The following KMT2A variants were observed in gnomAD, a reference collection of about 807,000 sequenced individuals.
KMT2A encodes histone-lysine N-methyltransferase 2A.
In KMT2A, 16 loss-of-function variants were observed where a neutral mutation model predicts 345.3. The observed-to-expected ratio is 0.05, with a 90% CI of 0.03 to 0.07. The LOEUF (loss-of-function observed/expected upper bound fraction) is 0.07. Among genes scored for constraint, KMT2A ranks in the 10% least tolerant of loss-of-function variants. The probability of loss-of-function intolerance (pLI) is 1.00; values close to 1 mark genes in which losing one functional copy is unlikely to be tolerated. For missense variants in KMT2A, 3,272 were observed against 4,841.6 expected, an observed-to-expected ratio of 0.68 and a Z score of 9.62; for synonymous variants, 1,599 against 1,778.6, an observed-to-expected ratio of 0.90 and a Z score of 2.54.
In KMT2A at chr11:118,484,479, T is replaced by C. The variant is rs556857791; in HGVS notation, c.4218+165T>C. ...AGCGCTGGGAGAGCTTTGGTCAGTG[T>C]TGTTAGGTCACTGTTTGTGAACTGA... On this transcript the variant is annotated intron_variant, in intron 9 of 35. Coordinates refer to ENST00000534358, the MANE Select transcript of KMT2A (RefSeq NM_001197104.2). This position sits in a 1 kb window ranked among gnomAD's most constrained non-coding sequence, Gnocchi z 4.1. The C allele has an allele frequency of 5.9e-6, 4 of 674,584 alleles. No homozygotes were observed. In the African/African-American group the frequency reaches 7.2e-5, roughly 12 times the overall value. 41.8% of individuals were successfully genotyped at this position (674,584 alleles called of 1,614,324 possible).
chr11:118,524,710 G>T lies in KMT2A; in HGVS notation c.*2538G>T. On this transcript the variant is annotated 3_prime_UTR_variant, in exon 36 of 36. Coordinates refer to ENST00000534358, the MANE Select transcript of KMT2A (RefSeq NM_001197104.2). ...TCCTTGTATTCCTATTTTTTTTAAA[G>T]AAAAAAAAAAAACCTTAAGCTGCAT... is the stretch of plus-strand genomic sequence containing the variant. 1.9e-5 allele frequency: 3 copies of T among 154,694 alleles called. No homozygotes were observed. The highest frequency in any genetic ancestry group is 2.7e-5 in the Non-Finnish European group (2 of 72,966). 9.6% of individuals were successfully genotyped at this position (154,694 alleles called of 1,614,324 possible). A position where few individuals can be genotyped will look rare whatever the true frequency, so the allele number is the denominator to read the frequency against.
At chr11:118,483,258 C>T (rs1950170846) in intron 8 of KMT2A, among the ~76,000 whole-genome samples, 1 of 148,902 alleles carries the variant, frequency 6.7e-6, no homozygotes, top group South Asian at 2.1e-4. Flanking sequence ...AGTAGCCGGG[C>T]ACGGTGGCTC....
chr11:118,454,114 G>T (rs1949594978), intron 1 of KMT2A, among the ~76,000 whole-genome samples: 1 of 152,130 alleles, frequency 6.6e-6, no homozygotes, highest in South Asian at 2.1e-4. Flanking sequence ...TAGTCTCTTG[G>T]TTGGAGTTGC....
intron 1 of KMT2A, among the ~76,000 whole-genome samples, chr11:118,468,469 TTTAA>T (rs1330274787): frequency 6.6e-6 from 1 of 152,226 alleles, no homozygotes; most frequent in Non-Finnish European, 1.5e-5. Flanking sequence ...AAAGTTGTCC[TTTAA>T]TTGTTTTGGG....
intron 1 of KMT2A, among the ~76,000 whole-genome samples, chr11:118,451,163 A>G (rs1555028735): frequency 6.6e-6 from 1 of 151,402 alleles, no homozygotes; most frequent in Non-Finnish European, 1.5e-5. Flanking sequence ...CTGGGGCTCT[A>G]CCATTGGAGA....
chr11:118,521,869 GTTC>G lies in KMT2A; in HGVS notation c.11644-23_11644-21del. ...AAGCTGAGTTTATAAGAAATGACAA[GTTC>G]TTCTCCCTTCTTCTGCATGTGCAGG... On this transcript the variant is annotated intron_variant, in intron 35 of 35. Coordinates refer to ENST00000534358, the MANE Select transcript of KMT2A (RefSeq NM_001197104.2). This position sits in a 1 kb window ranked among gnomAD's most constrained non-coding sequence, Gnocchi z 5.3. 6.2e-7 allele frequency: 1 copy of G among 1,602,384 alleles called. No individual in the cohort carries two copies. The highest frequency in any genetic ancestry group is 8.5e-7 in the Non-Finnish European group (1 of 1,170,408).
At position 118,436,678 on chromosome 11, in the gene KMT2A, T is replaced by G. The variant is rs1192129413; in HGVS notation, c.166T>G (p.Ser56Ala). 1.7e-6 allele frequency: 2 copies of G among 1,207,576 alleles called. No individual in the cohort carries two copies. Among genetic ancestry groups the G allele is most frequent in the Non-Finnish European group, 2.1e-6 (2 of 969,740 alleles). 74.8% of individuals were successfully genotyped at this position (1,207,576 alleles called of 1,614,324 possible). A position where few individuals can be genotyped will look rare whatever the true frequency, so the allele number is the denominator to read the frequency against. ...CGGTGGCGGCCCCGGGGCGCCCCCC[T>G]CCCCCCCGGCTGTGGCGGCCGCGGC... ...VGGGGPGAPPSPPAVAAAAAA... is the reference protein window; with the variant it reads ...VGGGGPGAPPAPPAVAAAAAA... Residue 56 changes from serine (S) to alanine (A), a missense_variant, in exon 1 of 36, where the codon TCC (serine) becomes GCC (alanine). By Grantham distance (99) the Ser-to-Ala change is moderately conservative. This residue lies in a region of KMT2A where 412 missense variants were observed against 511.0 expected (regional missense o/e 0.81). Transcript: ENST00000534358. This position sits in a 1 kb window ranked among gnomAD's most constrained non-coding sequence, Gnocchi z 6.9.
chr11:118,492,361 A>G (rs1201196685), intron 15 of KMT2A, among the ~76,000 whole-genome samples: 1 of 152,238 alleles, frequency 6.6e-6, no homozygotes, highest in Non-Finnish European at 1.5e-5. Flanking sequence ...TGTGAACTTT[A>G]CACATTTATA....
In KMT2A at chr11:118,497,166, G is replaced by A. The variant is rs953580453; in HGVS notation, c.5665-770G>A. ...ATTACAGGCATGTGCCACCATGCCC[G>A]GCTAATTTTGTATTTTTAGTAGAGA... On this transcript the variant is annotated intron_variant, in intron 20 of 35. Transcript: ENST00000534358. The surrounding 1 kb of genome is among the most constrained non-coding windows in gnomAD (Gnocchi z 4.8). Among the ~76,000 whole-genome samples the A allele has an allele frequency of 2.6e-5, 4 of 151,844 alleles. No individual in the cohort carries two copies. The highest frequency in any genetic ancestry group is 6.6e-5 in the Admixed American group (1 of 15,238).
In KMT2A at chr11:118,473,373, A is replaced by C. The variant is rs1949977069; in HGVS notation, c.2214A>C (p.Arg738Ser). The change falls in exon 3 of 36, where the codon AGA (arginine) becomes AGC (serine). Residue 738 changes from arginine to serine, a missense_variant. Coordinates refer to ENST00000534358, the MANE Select transcript of KMT2A (RefSeq NM_001197104.2). The surrounding 1 kb of genome is among the most constrained non-coding windows in gnomAD (Gnocchi z 5.2). ...SSGVSNRKRK[R>S]KVFSPIRSEP... is the part of the protein sequence containing the mutation. ...GAGTATCCAATAGAAAAAGGAAAAG[A>C]AAAGTGTTTAGTCCTATTCGATCTG... 1.2e-6 allele frequency: 2 copies of C among 1,614,084 alleles called. No homozygotes were observed. The highest frequency in any genetic ancestry group is 1.7e-6 in the Non-Finnish European group (2 of 1,180,000).
intron 10 of KMT2A, among the ~76,000 whole-genome samples, chr11:118,487,988 C>G (rs375252630): frequency 6.6e-6 from 1 of 152,114 alleles, no homozygotes; most frequent in South Asian, 2.1e-4. Context: ...AGACCATCCT[C>G]GCTAACACAG....
intron 29 of KMT2A, 144 bp downstream of exon 29, chr11:118,509,344 A>C (rs1950643426): frequency 1.5e-6 from 1 of 652,956 alleles, no homozygotes; most frequent in Non-Finnish European, 2.6e-6. Flanking sequence ...CCCACATTGG[A>C]CTGAAACTTG....
Position 118,526,471 on chromosome 11 carries a change from C to T in KMT2A, c.*4299C>T, listed in dbSNP as rs892528666. 47 of 228,992 alleles carry T rather than the reference C, an allele frequency of 2.1e-4. No homozygotes were observed. Among genetic ancestry groups the T allele is most frequent in the African/African-American group, 9.8e-4 (44 of 45,128 alleles). The allele number at this position is 228,992 out of a possible 1,614,324, so 14.2% of individuals were successfully genotyped here. On this transcript the variant is annotated 3_prime_UTR_variant, in exon 36 of 36. Transcript: ENST00000534358. Reference sequence around the variant, plus strand: ...TAGTTGAATAATTGTTTCAAGAGCTCAACAGATGACAAGCTTCTTTTCTAG... The same window carrying T: ...TAGTTGAATAATTGTTTCAAGAGCTTAACAGATGACAAGCTTCTTTTCTAG...
rs538467372 is a variant in KMT2A at position 118,474,993 on chromosome 11, C to T, written c.3156+678C>T. ...AAAAAAAAAAAAAAAATTAGCTGGG[C>T]GTGGTGATGCATGCCTCTAGTCCCA... On this transcript the variant is annotated intron_variant, in intron 3 of 35. Coordinates refer to ENST00000534358, the MANE Select transcript of KMT2A (RefSeq NM_001197104.2). Among the ~76,000 whole-genome samples the T allele has an allele frequency of 1.7e-3, 259 of 151,388 alleles. 1 individual carries two copies. The highest frequency in any genetic ancestry group is 2.7e-3 in the Non-Finnish European group (186 of 67,836).
chr11:118,474,321 C>G lies in KMT2A; in HGVS notation c.3156+6C>G, dbSNP rs182756704. 3 of 1,610,020 alleles carry G rather than the reference C, an allele frequency of 1.9e-6. No homozygotes were observed. Among genetic ancestry groups the G allele is most frequent in the Non-Finnish European group, 2.5e-6 (3 of 1,178,352 alleles). ...CCGACCAGCCCAAAGCACAGGTACT[C>G]TTTTCCACCTTGCCTATTAAAACTA... On this transcript the variant is annotated splice_donor_region_variant and intron_variant, in intron 3 of 35. Transcript: ENST00000534358.
At chr11:118,471,204 G>A (rs530642780) in intron 2 of KMT2A, among the ~76,000 whole-genome samples, 18 of 152,296 alleles carry the variant, frequency 1.2e-4, no homozygotes, top group African/African-American at 1.2e-4. Flanking sequence ...GAAGAGCAGC[G>A]TATTCAAATT....
At chr11:118,437,263 A>T (rs1339801117) in intron 1 of KMT2A, among the ~76,000 whole-genome samples, 1 of 150,748 alleles carries the variant, frequency 6.6e-6, no homozygotes, top group Non-Finnish European at 1.5e-5. Context: ...CCTTTCACAG[A>T]TTACCTCATC....
chr11:118,477,978 A>G lies in KMT2A; in HGVS notation c.3346A>G (p.Ile1116Val), dbSNP rs902467237. 4.3e-6 allele frequency: 7 copies of G among 1,613,958 alleles called. No homozygotes were observed. The highest frequency in any genetic ancestry group is 5.1e-6 in the Non-Finnish European group (6 of 1,180,004). Residue 1116 changes from isoleucine to valine, a missense_variant, in exon 5 of 36, where the codon ATT becomes GTT. Ile to Val is a conservative substitution (Grantham distance 29, BLOSUM62 3). Transcript: ENST00000534358. ...SSMGNDDKSS[I>V]AGSEDAEPLA... ...CATTTCTTTAACAGACAAGTCATCA[A>G]TTGCTGGCTCAGAAGATGCTGAACC...
chr11:118,450,361 T>C (rs1949511159), intron 1 of KMT2A: 1 of 152,210 alleles, frequency 6.6e-6, no homozygotes, highest in African/African-American at 2.4e-5. Context: ...CCTCTTTTTC[T>C]GAAGCAGGGT....
Sources: gnomAD v4.1 joint callset for allele counts (sites outside exome capture counted in the v4.1 genomes callset) on GRCh38, gnomAD v4.1.1 for gene constraint, gnomAD v4.1.1 regional missense constraint, Gnocchi (gnomAD v3.1) non-coding constraint, MANE v1.5 for transcripts, NCBI Gene and HGNC (gene_info 2026-07-23, HGNC 2026-07-21) for gene names.